ZFP30: variants seen among roughly 807,000 people sequenced by gnomAD.
ZFP30 encodes the protein zinc finger protein 30 homolog.
Under a neutral mutation model 12.3 loss-of-function variants are expected in ZFP30, and 16 were observed. The ratio of observed to expected loss-of-function variants is 1.30; its 90% CI spans 0.88 to 1.98. ZFP30 has a LOEUF of 1.98. Among genes scored for constraint, ZFP30 ranks in the 30% most tolerant of loss-of-function variants. The probability of loss-of-function intolerance (pLI) is 0.00; values close to 1 mark genes in which losing one functional copy is unlikely to be tolerated. For missense variants in ZFP30, 560 were observed against 611.2 expected, an observed-to-expected ratio of 0.92 and a Z score of 0.88; for synonymous variants, 172 against 201.0, an observed-to-expected ratio of 0.86 and a Z score of 1.22.
intron 5 of ZFP30, among the ~76,000 whole-genome samples, chr19:37,638,739 ATACTG>A (rs1314610491): frequency 6.6e-6 from 1 of 152,204 alleles, no homozygotes; most frequent in East Asian, 1.9e-4. Context: ...ACAACAATCT[ATACTG>A]TACAATTCCA....
intron 2 of ZFP30, among the ~76,000 whole-genome samples, chr19:37,648,824 T>C (rs941705339): frequency 2.0e-5 from 3 of 152,168 alleles, no homozygotes; most frequent in Non-Finnish European, 4.4e-5. Context: ...TCTCTGCTCC[T>C]TATTTTCCTA....
At chr19:37,651,920 A>G (rs2147292936) in intron 2 of ZFP30, among the ~76,000 whole-genome samples, 1 of 151,464 alleles carries the variant, frequency 6.6e-6, no homozygotes, top group East Asian at 1.9e-4. Flanking sequence ...TATTCAAGAT[A>G]CACTGAAAGA....
rs1293659316 is a variant in ZFP30 at position 37,635,217 on chromosome 19, C to CCTTA, written c.1320_1323dup (p.Glu442Ter). 6.2e-7 allele frequency: 1 copy of CCTTA among 1,613,704 alleles called. No homozygotes were observed. Among genetic ancestry groups the CCTTA allele is most frequent in the Non-Finnish European group, 8.5e-7 (1 of 1,179,848 alleles). On this transcript the variant is annotated stop_gained and frameshift_variant, in exon 6 of 6. Transcript: ENST00000684514. LOFTEE classifies it high-confidence loss of function. ...AGCAGTCTAAAAGTCTTCTCACATT[C>CCTTA]CTTACACTTAAAGGGTTTCTCACCA...
chr19:37,644,427 G>A lies in ZFP30; in HGVS notation c.136+183C>T, dbSNP rs375265278. ...TGTGCGCCTGTAGTCCCAGCTACTC[G>A]GGAGGCTGAGGCAGTAGAATCGCTT... On this transcript the variant is annotated intron_variant, in intron 4 of 5. Coordinates refer to ENST00000684514, the MANE Select transcript of ZFP30 (RefSeq NM_001320669.3). 1.8e-4 allele frequency: 80 copies of A among 453,060 alleles called. 4 individuals carry two copies. Among genetic ancestry groups the A allele is most frequent in the East Asian group, 7.1e-4 (17 of 24,110 alleles). 28.1% of individuals were successfully genotyped at this position (453,060 alleles called of 1,614,324 possible). A position where few individuals can be genotyped will look rare whatever the true frequency, so the allele number is the denominator to read the frequency against.
chr19:37,639,331 G>A (rs1032606571), intron 5 of ZFP30, among the ~76,000 whole-genome samples: 1 of 152,156 alleles, frequency 6.6e-6, no homozygotes, highest in African/African-American at 2.4e-5. Flanking sequence ...GGATTTACCT[G>A]CAAATTAAAA....
intron 5 of ZFP30, among the ~76,000 whole-genome samples, 200 bp downstream of exon 5, chr19:37,643,065 A>G (rs963615373): frequency 6.6e-6 from 1 of 151,208 alleles, no homozygotes; most frequent in African/African-American, 2.4e-5. Context: ...AAAAAAAAAA[A>G]AAAAAAGAAA....
chr19:37,643,705 G>T (rs1415770143), intron 4 of ZFP30, among the ~76,000 whole-genome samples: 1 of 152,160 alleles, frequency 6.6e-6, no homozygotes, highest in Non-Finnish European at 1.5e-5. Context: ...TCGATTTAAT[G>T]TAAGTGTTTA....
chr19:37,636,147 T>C lies in ZFP30; in HGVS notation c.394A>G (p.Thr132Ala), dbSNP rs2044322029. ...EVCFRQVTKT[T>A]SEKMPTYRKL... The stretch of plus-strand genomic sequence containing the variant: ...CTGTAAGTAGGCATTTTTTCAGAGG[T>C]GGTTTTTGTCACTTGCCTGAAACAC... The change falls in exon 6 of 6, where the codon ACC becomes GCC. Residue 132 changes from threonine to alanine, a missense_variant. Transcript: ENST00000684514. 6.2e-7 allele frequency: 1 copy of C among 1,614,130 alleles called. No individual in the cohort carries two copies. Among genetic ancestry groups the C allele is most frequent in the South Asian group, 1.1e-5 (1 of 91,078 alleles).
In ZFP30 at chr19:37,644,929, C is replaced by T. The variant is rs151109367; in HGVS notation, c.10-193G>A. Among the ~76,000 whole-genome samples, 446 of 151,676 alleles carry T rather than the reference C, an allele frequency of 2.9e-3. 5 individuals carry two copies. Among genetic ancestry groups the T allele is most frequent in the African/African-American group, 0.01 (429 of 41,368 alleles). Reference sequence around the variant, plus strand: ...AAGAACTTGTCTCAAAAAAAAAGGCCGGCGCGGTGGCTCACACCTGTAATC... The same window carrying T: ...AAGAACTTGTCTCAAAAAAAAAGGCTGGCGCGGTGGCTCACACCTGTAATC... On this transcript the variant is annotated intron_variant, in intron 3 of 5. Transcript: ENST00000684514.
At chr19:37,642,829 G>A (rs1191988777) in intron 5 of ZFP30, among the ~76,000 whole-genome samples, 1 of 151,970 alleles carries the variant, frequency 6.6e-6, no homozygotes, top group African/African-American at 2.4e-5. Flanking sequence ...GCCGAGGCGG[G>A]TGGATCACGA....
chr19:37,639,096 TTCTC>T (rs898391379), intron 5 of ZFP30, among the ~76,000 whole-genome samples: 2 of 152,054 alleles, frequency 1.3e-5, no homozygotes, highest in Non-Finnish European at 2.9e-5. Flanking sequence ...ATAATCGTGT[TTCTC>T]TCTCTCTGTC....
At chr19:37,636,682 C>A (rs1183021689) in intron 5 of ZFP30, among the ~76,000 whole-genome samples, 1 of 152,038 alleles carries the variant, frequency 6.6e-6, no homozygotes, top group African/African-American at 2.4e-5. Context: ...TTGCCTGCCT[C>A]CTTTCTGCTC....
intron 2 of ZFP30, among the ~76,000 whole-genome samples, chr19:37,650,965 T>C (rs2044637922): frequency 6.6e-6 from 1 of 152,080 alleles, no homozygotes; most frequent in Admixed American, 6.5e-5. Flanking sequence ...CTTGAACTCC[T>C]GGGCTCATGT....
At chr19:37,647,300 T>C (rs1439014001) in intron 3 of ZFP30, among the ~76,000 whole-genome samples, 1 of 152,188 alleles carries the variant, frequency 6.6e-6, no homozygotes, top group Non-Finnish European at 1.5e-5. Flanking sequence ...CCAAATCTCA[T>C]CTTGAATTGT....
intron 5 of ZFP30, among the ~76,000 whole-genome samples, chr19:37,640,004 A>C (rs1434136238): frequency 6.6e-6 from 1 of 152,218 alleles, no homozygotes; most frequent in Non-Finnish European, 1.5e-5. Flanking sequence ...TTACTGCTGC[A>C]AGCAACTAAA....
intron 5 of ZFP30, among the ~76,000 whole-genome samples, chr19:37,640,498 G>C (rs1407083173): frequency 6.6e-6 from 1 of 151,008 alleles, no homozygotes; most frequent in East Asian, 1.9e-4. Context: ...GTTTAGTCTA[G>C]TAAGCACTGC....
chr19:37,643,560 T>C (rs1438947340), intron 4 of ZFP30, among the ~76,000 whole-genome samples, 197 bp from the exon 5 acceptor site: 1 of 152,172 alleles, frequency 6.6e-6, no homozygotes, highest in Non-Finnish European at 1.5e-5. Flanking sequence ...AAAGAATAGT[T>C]GAAAGCACTG....
intron 2 of ZFP30, among the ~76,000 whole-genome samples, chr19:37,650,085 C>T (rs142453858): frequency 8.6e-4 from 130 of 151,634 alleles, no homozygotes; most frequent in Non-Finnish European, 1.5e-3. Flanking sequence ...GTATCCCAGT[C>T]CTAGGTGATC....
At position 37,635,637 on chromosome 19, in the gene ZFP30, C is replaced by CCTTA. The variant is rs2147254792; in HGVS notation, c.900_903dup (p.Glu302Ter). The CCTTA allele has an allele frequency of 6.2e-7, 1 of 1,614,146 alleles. No homozygotes were observed. Among genetic ancestry groups the CCTTA allele is most frequent in the East Asian group, 2.2e-5 (1 of 44,866 alleles). On this transcript the variant is annotated stop_gained and frameshift_variant, in exon 6 of 6. Coordinates refer to ENST00000684514, the MANE Select transcript of ZFP30 (RefSeq NM_001320669.3). LOFTEE classifies it low-confidence loss of function (END_TRUNC). ...CTACACAGAAAGGCCTGACCACATTCCTTACACTCATAGCACTTCTCAGCA... is the reference window on the plus strand; with the variant it reads ...CTACACAGAAAGGCCTGACCACATTCCTTACTTACACTCATAGCACTTCTCAGCA...
Sources: gnomAD v4.1 joint callset for allele counts (sites outside exome capture counted in the v4.1 genomes callset) on GRCh38, gnomAD v4.1.1 for gene constraint, MANE v1.5 for transcripts, NCBI Gene and HGNC (gene_info 2026-07-23, HGNC 2026-07-21) for gene names.